The following PTPRM variants were observed in gnomAD, a reference collection of about 807,000 sequenced individuals.
PTPRM encodes the protein protein tyrosine phosphatase receptor type M.
A neutral mutation model predicts 186.7 loss-of-function variants in PTPRM; 47 were observed. The ratio of observed to expected loss-of-function variants is 0.25; its 90% CI spans 0.20 to 0.32. PTPRM has a LOEUF of 0.32. Ranked by LOEUF, PTPRM falls within the 10% of genes least tolerant of loss-of-function variation. PTPRM has a pLI of 1.00. For synonymous variants in PTPRM, 668 were observed against 674.9 expected (o/e 0.99, Z 0.16); for missense variants, 1,494 against 1,865.0 (o/e 0.80, Z 3.66).
chr18:7,730,323 A>C (rs2040632566), intron 1 of PTPRM, among the ~76,000 whole-genome samples: 1 of 152,162 alleles, frequency 6.6e-6, no homozygotes. Context: ...CACTGTTTGA[A>C]TATTTAATGG....
chr18:7,782,441 T>C (rs933050066), intron 2 of PTPRM, among the ~76,000 whole-genome samples: 1 of 152,230 alleles, frequency 6.6e-6, no homozygotes, highest in African/African-American at 2.4e-5. Context: ...AGAATATACA[T>C]AGCGTCAAAT....
At chr18:7,924,908 C>A (rs2051081994) in intron 4 of PTPRM, among the ~76,000 whole-genome samples, 1 of 152,136 alleles carries the variant, frequency 6.6e-6, no homozygotes, top group Non-Finnish European at 1.5e-5. Context: ...GCTTCGTAAA[C>A]CGAGCCTGGT....
At chr18:8,281,956 T>C (rs1320947249) in intron 19 of PTPRM, among the ~76,000 whole-genome samples, 1 of 152,126 alleles carries the variant, frequency 6.6e-6, no homozygotes, top group African/African-American at 2.4e-5. Flanking sequence ...GAAATTAGAC[T>C]TCATTAAAAT....
chr18:7,724,158 G>A (rs182579558), intron 1 of PTPRM, among the ~76,000 whole-genome samples: 96 of 151,912 alleles, frequency 6.3e-4, no homozygotes, highest in African/African-American at 2.0e-3. Context: ...CTTGCATATA[G>A]TTGTCACTTA....
chr18:8,115,492 A>G (rs1238231624), intron 13 of PTPRM, among the ~76,000 whole-genome samples: 1 of 152,224 alleles, frequency 6.6e-6, no homozygotes, highest in Admixed American at 6.5e-5. Context: ...TCAACTTGAC[A>G]GTGTTGTTTT....
intron 1 of PTPRM, among the ~76,000 whole-genome samples, chr18:7,738,051 T>TA (rs2144474649): frequency 6.6e-6 from 1 of 152,326 alleles, no homozygotes; most frequent in East Asian, 1.9e-4. Context: ...TCCATAGACA[T>TA]AGAGTTTTAT....
At chr18:7,637,833 T>A (rs2038355332) in intron 1 of PTPRM, among the ~76,000 whole-genome samples, 1 of 152,188 alleles carries the variant, frequency 6.6e-6, no homozygotes, top group Non-Finnish European at 1.5e-5. Flanking sequence ...CTTTTGAAAA[T>A]TTTCTGGTGC....
At chr18:8,337,626 C>T (rs999227292) in intron 22 of PTPRM, among the ~76,000 whole-genome samples, 5 of 152,212 alleles carry the variant, frequency 3.3e-5, no homozygotes, top group Non-Finnish European at 1.5e-5. Context: ...GGCAGCACAA[C>T]TCACTTTAAA....
At chr18:8,168,233 A>G (rs566669316) in intron 14 of PTPRM, among the ~76,000 whole-genome samples, 2 of 152,326 alleles carry the variant, frequency 1.3e-5, no homozygotes, top group African/African-American at 2.4e-5. Context: ...TAAATTTGAC[A>G]AGGACGTATT....
Position 8,069,936 on chromosome 18 carries a change from C to T in PTPRM, c.1383C>T (p.Leu461=), listed in dbSNP as rs2089356768. ...PYTNVSVKLI[L]MNPEGRKESQ... ...CCAATGTCAGTGTGAAACTGATCCT[C>T]ATGAACCCAGAGGGCCGGAAGGAAA... is the stretch of plus-strand genomic sequence containing the variant. Residue 461 remains leucine (L), a synonymous_variant, in exon 8 of 33, where the codon CTC becomes CTT. Transcript: ENST00000580170. 2 of 1,613,946 alleles carry T rather than the reference C, an allele frequency of 1.2e-6. No homozygotes were observed. Among genetic ancestry groups the T allele is most frequent in the East Asian group, 2.2e-5 (1 of 44,896 alleles).
rs150671147 is a variant in PTPRM at position 8,259,862 on chromosome 18, C to T, written c.2754+6448C>T. Reference sequence around the variant, plus strand: ...TTCACCATGTTGGCCAGGCTGGTCTCGAACTCCTGACCTCAGGTATCTGCC... The same window carrying T: ...TTCACCATGTTGGCCAGGCTGGTCTTGAACTCCTGACCTCAGGTATCTGCC... On this transcript the variant is annotated intron_variant, in intron 19 of 32. Coordinates refer to ENST00000580170, the MANE Select transcript of PTPRM (RefSeq NM_001105244.2). Among the ~76,000 whole-genome samples the T allele has an allele frequency of 1.9e-3, 286 of 151,938 alleles. 2 individuals carry two copies. The highest frequency in any genetic ancestry group is 6.8e-3 in the African/African-American group (280 of 41,444).
intron 1 of PTPRM, among the ~76,000 whole-genome samples, chr18:7,707,820 C>T (rs892946424): frequency 5.9e-5 from 9 of 152,150 alleles, no homozygotes; most frequent in African/African-American, 2.2e-4. Context: ...TAGAAAAACA[C>T]TCAGCCTCCT....
At chr18:8,038,456 A>G (rs1196335796) in intron 7 of PTPRM, among the ~76,000 whole-genome samples, 3 of 150,228 alleles carry the variant, frequency 2.0e-5, no homozygotes, top group African/African-American at 7.4e-5. Context: ...CAGTGGTGCA[A>G]TCTCAGCTCA....
At chr18:8,390,468 G>C (rs1388066753) in intron 31 of PTPRM, among the ~76,000 whole-genome samples, 1 of 152,256 alleles carries the variant, frequency 6.6e-6, no homozygotes, top group Non-Finnish European at 1.5e-5. Flanking sequence ...ATGGCAATAA[G>C]AGGGTGAAGA....
intron 1 of PTPRM, among the ~76,000 whole-genome samples, chr18:7,749,833 GTGTTTTTAAGTGGA>G (rs2041127549): frequency 6.6e-6 from 1 of 152,204 alleles, no homozygotes; most frequent in South Asian, 2.1e-4. Flanking sequence ...TTAAGCAATT[GTGTTTTTAAGTGGA>G]GTTATCTGCC....
chr18:8,110,971 G>A (rs767955779), intron 11 of PTPRM, among the ~76,000 whole-genome samples: 1 of 152,176 alleles, frequency 6.6e-6, no homozygotes, highest in Non-Finnish European at 1.5e-5. Context: ...CACTGGACCT[G>A]TGAATGAGGA....
chr18:7,606,560 T>C (rs1001090237), intron 1 of PTPRM, among the ~76,000 whole-genome samples: 3 of 152,140 alleles, frequency 2.0e-5, no homozygotes, highest in Non-Finnish European at 4.4e-5. Flanking sequence ...CAAGGGTAAA[T>C]ATTCCTCTGT....
chr18:7,624,603 G>A (rs2038016160), intron 1 of PTPRM, among the ~76,000 whole-genome samples: 1 of 151,992 alleles, frequency 6.6e-6, no homozygotes, highest in Non-Finnish European at 1.5e-5. Flanking sequence ...CTTCTCCCAA[G>A]TAGCTGGGAC....
At chr18:7,730,758 C>A (rs1015960587) in intron 1 of PTPRM, among the ~76,000 whole-genome samples, 2 of 152,144 alleles carry the variant, frequency 1.3e-5, no homozygotes, top group Non-Finnish European at 2.9e-5. Flanking sequence ...TTAAAAAGCT[C>A]ACTTCGAAGT....
Sources: allele counts gnomAD v4.1 joint callset (sites outside exome capture counted in the v4.1 genomes callset), GRCh38; gene constraint gnomAD v4.1.1; transcripts MANE v1.5; gene names NCBI Gene and HGNC (gene_info 2026-07-23, HGNC 2026-07-21).